XKR4: variants seen among roughly 807,000 people sequenced by gnomAD.
The protein encoded by XKR4 is XK-related protein 4.
Under a neutral mutation model 53.9 loss-of-function variants are expected in XKR4, and 12 were observed. That is an observed-to-expected ratio of 0.22 (90% confidence interval 0.14 to 0.36). The LOEUF is 0.36. XKR4 is among the 10% of genes least tolerant of loss of function. XKR4 has a pLI of 1.00. For synonymous variants in XKR4, 354 were observed against 362.4 expected, an observed-to-expected ratio of 0.98 and a Z score of 0.26; for missense variants, 799 against 859.5, an observed-to-expected ratio of 0.93 and a Z score of 0.88.
Position 55,367,600 on chromosome 8 carries a change from T to C in XKR4, c.1006+9723T>C, listed in dbSNP as rs143664373. On this transcript the variant is annotated intron_variant, in intron 2 of 2. Coordinates refer to ENST00000327381, the MANE Select transcript of XKR4 (RefSeq NM_052898.2). ...CCAATTTATATTCCTACCAGCAGTG[T>C]GTGTCTTGAGATTGCTCCAAATCCA... is the stretch of plus-strand genomic sequence containing the variant. Among the ~76,000 whole-genome samples, 326 of 152,328 alleles carry C rather than the reference T, an allele frequency of 2.1e-3. 1 individual carries two copies. Among genetic ancestry groups the C allele is most frequent in the African/African-American group, 7.4e-3 (309 of 41,564 alleles).
At chr8:55,399,796 C>T (rs1047541789) in intron 2 of XKR4, among the ~76,000 whole-genome samples, 11 of 152,176 alleles carry the variant, frequency 7.2e-5, no homozygotes, top group African/African-American at 1.9e-4. Flanking sequence ...AACCTAAGAA[C>T]AGAAGAGAAG....
At chr8:55,163,313 G>A (rs577531919) in intron 1 of XKR4, among the ~76,000 whole-genome samples, 26 of 152,270 alleles carry the variant, frequency 1.7e-4, no homozygotes, top group Non-Finnish European at 2.4e-4. Flanking sequence ...AAAATAGATC[G>A]CATTTAGGTA....
At chr8:55,119,428 A>G (rs1194441821) in intron 1 of XKR4, among the ~76,000 whole-genome samples, 1 of 152,178 alleles carries the variant, frequency 6.6e-6, no homozygotes, top group African/African-American at 2.4e-5. Flanking sequence ...AGCAGAAAAA[A>G]AAAGGAATGG....
At chr8:55,467,827 T>C (rs1585591036) in intron 2 of XKR4, among the ~76,000 whole-genome samples, 1 of 152,288 alleles carries the variant, frequency 6.6e-6, no homozygotes, top group East Asian at 1.9e-4. Flanking sequence ...GTGGTTGTTT[T>C]CCTCTAAGGG....
chr8:55,336,888 C>T (rs1017045895), intron 1 of XKR4, among the ~76,000 whole-genome samples: 11 of 152,214 alleles, frequency 7.2e-5, no homozygotes, highest in Admixed American at 7.2e-4. Flanking sequence ...CAGGCGCACA[C>T]GAACCTTTAT....
intron 2 of XKR4, among the ~76,000 whole-genome samples, chr8:55,519,584 A>T (rs1250143213): frequency 3.9e-5 from 6 of 152,246 alleles, no homozygotes; most frequent in Non-Finnish European, 8.8e-5. Flanking sequence ...AGAAAACTGA[A>T]TTAATACAAC....
intron 2 of XKR4, among the ~76,000 whole-genome samples, chr8:55,464,118 T>C (rs1805715029): frequency 6.6e-6 from 1 of 152,166 alleles, no homozygotes; most frequent in African/African-American, 2.4e-5. Context: ...CCTCCCTAAC[T>C]CATTTTATGT....
rs563608220 is a variant in XKR4 at position 55,535,619 on chromosome 8, T to C, written c.*11392T>C. 3.3e-5 allele frequency: 5 copies of C among 152,178 alleles called. No homozygotes were observed. The highest frequency in any genetic ancestry group is 4.2e-4 in the South Asian group (2 of 4,810). The allele number at this position is 152,178 out of a possible 1,614,324, so 9.4% of individuals were successfully genotyped here. On this transcript the variant is annotated 3_prime_UTR_variant, in exon 3 of 3. Transcript: ENST00000327381. ...ATGGGTAAGAGTTACTCTAGCAGGA[T>C]TGGGTGTTGGGTCAGAGGGTATCTA... is the stretch of plus-strand genomic sequence containing the variant.
Position 55,528,007 on chromosome 8 carries a change from C to A in XKR4, c.*3780C>A, listed in dbSNP as rs996663708. ...ACGTACCTATATATGTATGTACACA[C>A]ACACACACACACACTTTCCAACTAA... is the stretch of plus-strand genomic sequence containing the variant. On this transcript the variant is annotated 3_prime_UTR_variant, in exon 3 of 3. Transcript: ENST00000327381. 2.0e-5 allele frequency: 3 copies of A among 152,096 alleles called. No individual in the cohort carries two copies. Among genetic ancestry groups the A allele is most frequent in the African/African-American group, 7.2e-5 (3 of 41,416 alleles). The allele number at this position is 152,096 out of a possible 1,614,324, so 9.4% of individuals were successfully genotyped here.
intron 1 of XKR4, among the ~76,000 whole-genome samples, chr8:55,262,065 C>A (rs1818534252): frequency 6.6e-6 from 1 of 152,002 alleles, no homozygotes; most frequent in Non-Finnish European, 1.5e-5. Flanking sequence ...CATCTGAAAA[C>A]TGCCTTAGAT....
intron 2 of XKR4, among the ~76,000 whole-genome samples, chr8:55,395,911 G>A (rs1804509505): frequency 1.3e-5 from 2 of 152,170 alleles, no homozygotes; most frequent in East Asian, 1.9e-4. Context: ...GACAGTCCAT[G>A]GTATTGAAAA....
rs148641136 is a variant in XKR4 at position 55,369,076 on chromosome 8, T to C, written c.1006+11199T>C. The stretch of plus-strand genomic sequence containing the variant: ...CCTTCCTGCCACTCAGAAATGAAAA[T>C]CTTGGCTGGTTATGGTGGCTCACAC... On this transcript the variant is annotated intron_variant, in intron 2 of 2. Coordinates refer to ENST00000327381, the MANE Select transcript of XKR4 (RefSeq NM_052898.2). Among the ~76,000 whole-genome samples the C allele has an allele frequency of 4.3e-3, 648 of 152,062 alleles. 4 individuals carry two copies. The highest frequency in any genetic ancestry group is 0.015 in the African/African-American group (620 of 41,468).
chr8:55,209,772 T>A (rs1453717600), intron 1 of XKR4, among the ~76,000 whole-genome samples: 2 of 152,196 alleles, frequency 1.3e-5, no homozygotes, highest in Non-Finnish European at 2.9e-5. Context: ...ACAACACACA[T>A]CCCATCCCTT....
chr8:55,471,790 C>T (rs150755955), intron 2 of XKR4, among the ~76,000 whole-genome samples: 12 of 152,096 alleles, frequency 7.9e-5, no homozygotes, highest in South Asian at 4.1e-4. Context: ...TTCCCCACCC[C>T]CTCTTGCTCC....
intron 2 of XKR4, chr8:55,450,553 G>C: frequency 1.4e-6 from 1 of 692,614 alleles, no homozygotes. Context: ...AGCGGGACAC[G>C]TGGTGGTAGC....
intron 1 of XKR4, among the ~76,000 whole-genome samples, chr8:55,179,854 CATT>C (rs1348528244): frequency 6.6e-6 from 1 of 152,118 alleles, no homozygotes; most frequent in Non-Finnish European, 1.5e-5. Context: ...ACTAATATCA[CATT>C]ATAATAAAAT....
chr8:55,439,441 G>A (rs2129394672), intron 2 of XKR4, among the ~76,000 whole-genome samples: 1 of 152,234 alleles, frequency 6.6e-6, no homozygotes, highest in East Asian at 1.9e-4. Flanking sequence ...GGCAAAGTCA[G>A]CAGATACTGG....
At chr8:55,408,387 A>C (rs1006931021) in intron 2 of XKR4, among the ~76,000 whole-genome samples, 3 of 152,238 alleles carry the variant, frequency 2.0e-5, no homozygotes, top group African/African-American at 7.2e-5. Flanking sequence ...TCAATCAAAA[A>C]AATGCTGGCT....
intron 1 of XKR4, among the ~76,000 whole-genome samples, chr8:55,126,517 A>G (rs1816470911): frequency 1.3e-5 from 2 of 152,200 alleles, no homozygotes; most frequent in Non-Finnish European, 2.9e-5. Context: ...AACCAGCTGG[A>G]GTGGATGCAA....
Sources: allele counts gnomAD v4.1 joint callset (sites outside exome capture counted in the v4.1 genomes callset), GRCh38; gene constraint gnomAD v4.1.1; transcripts MANE v1.5; gene names NCBI Gene and HGNC (gene_info 2026-07-23, HGNC 2026-07-21).